CNTNAP5: variants seen among roughly 807,000 people sequenced by gnomAD.
CNTNAP5 encodes the protein contactin-associated protein-like 5.
A neutral mutation model predicts 150.2 loss-of-function variants in CNTNAP5; 72 were observed. That is an observed-to-expected ratio of 0.48 (90% CI 0.40 to 0.58). CNTNAP5 has a LOEUF of 0.58. Ranked by LOEUF, CNTNAP5 falls within the 20% of genes least tolerant of loss-of-function variation. The probability of loss-of-function intolerance (pLI) is 0.00; values close to 1 mark genes in which losing one functional copy is unlikely to be tolerated. For missense variants in CNTNAP5, 1,636 were observed against 1,626.2 expected (o/e 1.01, Z -0.10); for synonymous variants, 672 against 619.8 (o/e 1.08, Z -1.25).
chr2:124,674,464 C>T (rs1191545097), intron 13 of CNTNAP5, among the ~76,000 whole-genome samples: 4 of 126,976 alleles, frequency 3.2e-5, no homozygotes, highest in Non-Finnish European at 4.8e-5. Context: ...TCCTTCCTTT[C>T]CCTCCCTCCC....
chr2:124,185,293 G>C (rs1420701206), intron 1 of CNTNAP5, among the ~76,000 whole-genome samples: 1 of 152,114 alleles, frequency 6.6e-6, no homozygotes, highest in Non-Finnish European at 1.5e-5. Flanking sequence ...TTTGGTTTTG[G>C]CTTGTGAACT....
intron 3 of CNTNAP5, among the ~76,000 whole-genome samples, chr2:124,385,980 C>T (rs1420361672): frequency 4.6e-5 from 7 of 150,662 alleles, no homozygotes; most frequent in Admixed American, 1.3e-4. Flanking sequence ...ATGTTGAGCA[C>T]GTAGACAACA....
chr2:124,268,360 T>C (rs1478714823), intron 3 of CNTNAP5, among the ~76,000 whole-genome samples: 3 of 152,170 alleles, frequency 2.0e-5, no homozygotes, highest in Admixed American at 6.5e-5. Context: ...ACAGATATTA[T>C]AAATTTAAAT....
chr2:124,550,389 G>T (rs1357381375), intron 10 of CNTNAP5, among the ~76,000 whole-genome samples: 2 of 152,052 alleles, frequency 1.3e-5, no homozygotes, highest in East Asian at 3.9e-4. Context: ...CTGTATCAGG[G>T]TCTTCATTTT....
At chr2:124,122,482 G>A (rs908627457) in intron 1 of CNTNAP5, among the ~76,000 whole-genome samples, 1 of 152,200 alleles carries the variant, frequency 6.6e-6, no homozygotes, top group African/African-American at 2.4e-5. Flanking sequence ...GCCCAAGAGA[G>A]CAATTTCTCC....
chr2:124,594,352 T>C (rs1217849111), intron 11 of CNTNAP5, among the ~76,000 whole-genome samples: 4 of 151,162 alleles, frequency 2.6e-5, no homozygotes, highest in African/African-American at 9.7e-5. Flanking sequence ...GCTTTCTACA[T>C]ATGGCTAGCC....
intron 13 of CNTNAP5, among the ~76,000 whole-genome samples, chr2:124,652,127 C>A (rs972086691): frequency 6.6e-6 from 1 of 152,178 alleles, no homozygotes; most frequent in Non-Finnish European, 1.5e-5. Context: ...AAGTGCCAAC[C>A]AATGGAATGC....
In CNTNAP5 at chr2:124,055,328, C is replaced by T. The variant is rs374606296; in HGVS notation, c.82+29596C>T. On this transcript the variant is annotated intron_variant, in intron 1 of 23. Transcript: ENST00000682447. The stretch of plus-strand genomic sequence containing the variant: ...TCATTTAACTCTACTTTCCAACATT[C>T]CCTGGAAGGATCCCTGTCCTCCTCC... Among the ~76,000 whole-genome samples the T allele has an allele frequency of 2.7e-4, 41 of 152,326 alleles. No homozygotes were observed. The South Asian group carries it at 7.5e-3, about 28-fold the overall frequency.
At chr2:124,617,628 G>T (rs192409685) in intron 12 of CNTNAP5, among the ~76,000 whole-genome samples, 2 of 152,092 alleles carry the variant, frequency 1.3e-5, no homozygotes, top group East Asian at 1.9e-4. Context: ...ACTTGTTTAC[G>T]CCTGTAAAGA....
intron 21 of CNTNAP5, among the ~76,000 whole-genome samples, chr2:124,875,104 T>C (rs1677826635): frequency 6.6e-6 from 1 of 152,054 alleles, no homozygotes; most frequent in Non-Finnish European, 1.5e-5. Flanking sequence ...AGAACAGGGT[T>C]CTTTAATTCT....
At chr2:124,315,253 C>T (rs1198318216) in intron 3 of CNTNAP5, among the ~76,000 whole-genome samples, 2 of 152,176 alleles carry the variant, frequency 1.3e-5, no homozygotes, top group Non-Finnish European at 2.9e-5. Flanking sequence ...TGAGCCACCA[C>T]GCTGAGCCCC....
intron 10 of CNTNAP5, among the ~76,000 whole-genome samples, chr2:124,544,285 G>A (rs1857693): frequency 0.42 from 63,266 of 151,972 alleles, 13,636 homozygotes; most frequent in East Asian, 0.64. Flanking sequence ...AGGTTGGTAA[G>A]AAGATGAGTT....
rs769619622 is a variant in CNTNAP5, at chr2:124,417,568, C to T, written c.507C>T (p.Val169=). ...CCAGTGGGAAGATTGGCATGAGAGT[C>T]GAGGTCTACGGATGTTCCTATAGTA... The part of the protein sequence containing the change: ...WNPSGKIGMR[V]EVYGCSYKSD... Residue 169 remains valine (V), a synonymous_variant, in exon 4 of 24, where the codon GTC becomes GTT. Transcript: ENST00000682447. The T allele has an allele frequency of 9.9e-6, 16 of 1,613,358 alleles. No individual in the cohort carries two copies. The highest frequency in any genetic ancestry group is 1.2e-5 in the Non-Finnish European group (14 of 1,179,684).
chr2:124,494,643 C>T (rs1197261402), intron 7 of CNTNAP5, among the ~76,000 whole-genome samples: 1 of 152,098 alleles, frequency 6.6e-6, no homozygotes, highest in Non-Finnish European at 1.5e-5. Flanking sequence ...GTTGCTTTTG[C>T]CTTATGTGAG....
intron 12 of CNTNAP5, among the ~76,000 whole-genome samples, chr2:124,614,031 C>G (rs569616282): frequency 9.0e-4 from 137 of 152,194 alleles, no homozygotes; most frequent in African/African-American, 3.1e-3. Flanking sequence ...AGTAAGCTTC[C>G]AGAGGAACAC....
intron 8 of CNTNAP5, among the ~76,000 whole-genome samples, chr2:124,508,088 T>TA (rs55744296): frequency 0.46 from 69,483 of 150,524 alleles, 15,991 homozygotes; most frequent in Middle Eastern, 0.57. Context: ...TCACAAGAGA[T>TA]AAAAAAAAAA....
At chr2:124,249,629 G>T (rs1282829454) in intron 3 of CNTNAP5, among the ~76,000 whole-genome samples, 1 of 152,194 alleles carries the variant, frequency 6.6e-6, no homozygotes, top group Non-Finnish European at 1.5e-5. Flanking sequence ...TTTCTTAAAT[G>T]TATTTGATTG....
chr2:124,316,824 A>G (rs955010579), intron 3 of CNTNAP5, among the ~76,000 whole-genome samples: 3 of 149,620 alleles, frequency 2.0e-5, no homozygotes, highest in East Asian at 1.9e-4. Context: ...AAAAAAAAAA[A>G]AAAAGAAAAA....
At chr2:124,064,929 G>T (rs1330111693) in intron 1 of CNTNAP5, among the ~76,000 whole-genome samples, 1 of 144,602 alleles carries the variant, frequency 6.9e-6, no homozygotes, top group African/African-American at 2.6e-5. Flanking sequence ...AGTGTAGATT[G>T]CTCCTTTCTG....
Sources: gnomAD v4.1 joint callset for allele counts (sites outside exome capture counted in the v4.1 genomes callset) on GRCh38, gnomAD v4.1.1 for gene constraint, MANE v1.5 for transcripts, NCBI Gene and HGNC (gene_info 2026-07-23, HGNC 2026-07-21) for gene names.